PKNOX2: variants seen among roughly 807,000 people sequenced by gnomAD.
The protein encoded by PKNOX2 is PBX/knotted 1 homeobox 2, also known as homeobox protein PKNOX2.
A neutral mutation model predicts 53.1 loss-of-function variants in PKNOX2; 14 were observed. The observed-to-expected ratio is 0.26, with a 90% CI of 0.17 to 0.41. The LOEUF (loss-of-function observed/expected upper bound fraction) is 0.41. PKNOX2 is among the 10% of genes least tolerant of loss of function. PKNOX2 has a pLI of 1.00. For synonymous variants in PKNOX2, 257 were observed against 242.8 expected (o/e 1.06, Z -0.54); for missense variants, 496 against 602.8 (o/e 0.82, Z 1.85).
chr11:125,424,943 G>C (rs779881176), intron 10 of PKNOX2, among the ~76,000 whole-genome samples: 2 of 152,242 alleles, frequency 1.3e-5, no homozygotes, highest in Non-Finnish European at 2.9e-5. Context: ...GTATCAGAGA[G>C]AGATGGGAAA....
intron 3 of PKNOX2, among the ~76,000 whole-genome samples, chr11:125,337,964 G>A (rs771575900): frequency 6.6e-6 from 1 of 152,160 alleles, no homozygotes; most frequent in African/African-American, 2.4e-5. Flanking sequence ...GTCTGCCCTA[G>A]TGCCTGGAGT....
intron 1 of PKNOX2, among the ~76,000 whole-genome samples, chr11:125,182,741 C>T (rs1355351625): frequency 6.6e-6 from 1 of 152,140 alleles, no homozygotes; most frequent in Non-Finnish European, 1.5e-5. Context: ...TGGCTCCTGG[C>T]CCATTTCATA....
At chr11:125,289,984 A>T (rs539372234) in intron 2 of PKNOX2, among the ~76,000 whole-genome samples, 6 of 152,324 alleles carry the variant, frequency 3.9e-5, no homozygotes, top group African/African-American at 1.4e-4. Context: ...TCTAAAAAAA[A>T]TAAAATGGAT....
Position 125,392,409 on chromosome 11 carries a change from C to A in PKNOX2, c.400-5465C>A, listed in dbSNP as rs143520128. 3.3e-4 allele frequency among the ~76,000 whole-genome samples: 51 copies of A among 152,324 alleles called. No individual in the cohort carries two copies. The East Asian group carries it at 9.6e-3, about 29-fold the overall frequency. ...CCTCTAACATTGATAGTGTTGCCTA[C>A]CTTTCTAATATTGAACAGGTCCTAC... On this transcript the variant is annotated intron_variant, in intron 6 of 12. Transcript: ENST00000298282.
intron 10 of PKNOX2, among the ~76,000 whole-genome samples, chr11:125,428,151 C>T (rs185599242): frequency 8.6e-5 from 13 of 152,028 alleles, no homozygotes; most frequent in Admixed American, 6.6e-5. Context: ...ATCCCAGTGC[C>T]GTCATGAAGC....
chr11:125,306,741 A>G (rs1297728928), intron 2 of PKNOX2, among the ~76,000 whole-genome samples: 2 of 152,196 alleles, frequency 1.3e-5, no homozygotes, highest in Non-Finnish European at 2.9e-5. Flanking sequence ...TCTGGACCCT[A>G]GAGACCCCGG....
intron 1 of PKNOX2, among the ~76,000 whole-genome samples, chr11:125,199,341 C>T (rs1404127293): frequency 2.0e-5 from 3 of 152,188 alleles, no homozygotes; most frequent in African/African-American, 7.2e-5. Flanking sequence ...CCCAGGTACC[C>T]CCTTCTTGTG....
intron 2 of PKNOX2, chr11:125,239,615 G>T (rs1942996128): frequency 5.3e-5 from 8 of 152,226 alleles, no homozygotes; most frequent in Admixed American, 5.2e-4. Flanking sequence ...TTCCTCCGTA[G>T]ATTGCATCTA....
chr11:125,380,152 C>T (rs944010095), intron 5 of PKNOX2, among the ~76,000 whole-genome samples: 5 of 152,196 alleles, frequency 3.3e-5, no homozygotes, highest in Admixed American at 6.5e-5. Flanking sequence ...CCCGCCCTCC[C>T]GGCACCCAGG....
chr11:125,266,467 C>G (rs927351146), intron 2 of PKNOX2, among the ~76,000 whole-genome samples: 1 of 152,136 alleles, frequency 6.6e-6, no homozygotes, highest in Non-Finnish European at 1.5e-5. Flanking sequence ...GGCTGGAAGA[C>G]AGCCCTGCTT....
intron 1 of PKNOX2, among the ~76,000 whole-genome samples, chr11:125,191,795 G>A (rs1414144527): frequency 4.6e-5 from 7 of 152,294 alleles, no homozygotes; most frequent in Admixed American, 2.6e-4. Flanking sequence ...CTGCACTGGC[G>A]TTGAAAAGCG....
At position 125,430,159 on chromosome 11, in the gene PKNOX2, G is replaced by A. The variant is rs1309367858; in HGVS notation, c.1192+18G>A. 3.7e-6 allele frequency: 6 copies of A among 1,611,976 alleles called. No homozygotes were observed. Among genetic ancestry groups the A allele is most frequent in the Non-Finnish European group, 5.1e-6 (6 of 1,178,752 alleles). Reference sequence around the variant, plus strand: ...CCCCGATGGTAAGAACTGGGGCTGAGTGCACCCTAGACAAGGGCTGGGGGT... The same window carrying A: ...CCCCGATGGTAAGAACTGGGGCTGAATGCACCCTAGACAAGGGCTGGGGGT... On this transcript the variant is annotated intron_variant, in intron 12 of 12. Coordinates refer to ENST00000298282, the MANE Select transcript of PKNOX2 (RefSeq NM_001382323.2).
intron 1 of PKNOX2, among the ~76,000 whole-genome samples, chr11:125,169,621 A>G (rs1955136389): frequency 6.6e-6 from 1 of 152,192 alleles, no homozygotes; most frequent in Non-Finnish European, 1.5e-5. Flanking sequence ...CTTCATCTGT[A>G]AAGTGGAATG....
intron 2 of PKNOX2, among the ~76,000 whole-genome samples, chr11:125,276,059 A>G (rs997155197): frequency 2.0e-5 from 3 of 152,212 alleles, no homozygotes; most frequent in Non-Finnish European, 4.4e-5. Flanking sequence ...GGAGCGAAGT[A>G]TCAGGGCCTG....
chr11:125,275,101 A>G (rs1013307675), intron 2 of PKNOX2, among the ~76,000 whole-genome samples: 5 of 152,236 alleles, frequency 3.3e-5, no homozygotes, highest in Admixed American at 2.6e-4. Flanking sequence ...AGTAGAATGA[A>G]TAAACAAGGA....
At chr11:125,262,156 C>T (rs1383728655) in intron 2 of PKNOX2, among the ~76,000 whole-genome samples, 1 of 152,150 alleles carries the variant, frequency 6.6e-6, no homozygotes, top group African/African-American at 2.4e-5. Context: ...GGTGTCAGAT[C>T]CAGCTCTAGA....
chr11:125,238,270 G>A (rs924592917), intron 2 of PKNOX2, among the ~76,000 whole-genome samples: 6 of 152,210 alleles, frequency 3.9e-5, no homozygotes, highest in African/African-American at 1.2e-4. Context: ...GGGCAGGGGC[G>A]AGAGGGGTGA....
intron 2 of PKNOX2, among the ~76,000 whole-genome samples, chr11:125,265,022 C>T (rs1162937494): frequency 6.6e-6 from 1 of 152,104 alleles, no homozygotes; most frequent in Non-Finnish European, 1.5e-5. Context: ...GGCATGGTGG[C>T]TCAAGCCTGT....
At position 125,422,424 on chromosome 11, in the gene PKNOX2, G is replaced by A. The variant is rs1330672511; in HGVS notation, c.937-6588G>A. Reference sequence around the variant, plus strand: ...AGAGTGTTTTCTCCACCCATCCTTCGCTGTAGGGATCTAGAGAGAAGCTGC... The same window carrying A: ...AGAGTGTTTTCTCCACCCATCCTTCACTGTAGGGATCTAGAGAGAAGCTGC... On this transcript the variant is annotated intron_variant, in intron 10 of 12. Coordinates refer to ENST00000298282, the MANE Select transcript of PKNOX2 (RefSeq NM_001382323.2). The surrounding 1 kb of genome is among the most constrained non-coding windows in gnomAD (Gnocchi z 4.1). Among the ~76,000 whole-genome samples, 3 of 152,116 alleles carry A rather than the reference G, an allele frequency of 2.0e-5. No homozygotes were observed. The highest frequency in any genetic ancestry group is 2.9e-5 in the Non-Finnish European group (2 of 68,030).
Sources: allele counts gnomAD v4.1 joint callset (sites outside exome capture counted in the v4.1 genomes callset), GRCh38; gene constraint gnomAD v4.1.1; non-coding constraint Gnocchi (gnomAD v3.1); transcripts MANE v1.5; gene names NCBI Gene and HGNC (gene_info 2026-07-23, HGNC 2026-07-21).